The following PTPRD variants were observed in gnomAD, a reference collection of about 807,000 sequenced individuals.
The protein encoded by PTPRD is protein tyrosine phosphatase receptor type D.
Under a neutral mutation model 214.5 loss-of-function variants are expected in PTPRD, and 34 were observed. That is an observed-to-expected ratio of 0.16 (90% CI 0.12 to 0.21). The LOEUF (loss-of-function observed/expected upper bound fraction) is 0.21, where lower values mean the gene tolerates loss of function less well. Ranked by LOEUF, PTPRD falls within the 10% of genes least tolerant of loss-of-function variation. The pLI, the probability that PTPRD is intolerant of heterozygous loss-of-function variation, is 1.00. For synonymous variants in PTPRD, 1,128 were observed against 845.7 expected (o/e 1.33, Z -5.79); for missense variants, 2,545 against 2,398.7 (o/e 1.06, Z -1.27).
chr9:8,649,437 T>C (rs537576484), intron 12 of PTPRD, among the ~76,000 whole-genome samples: 2 of 152,352 alleles, frequency 1.3e-5, no homozygotes, highest in East Asian at 1.9e-4. Context: ...AACTGCACAC[T>C]GGTTAAGTTG....
At chr9:8,595,527 T>A (rs561394773) in intron 14 of PTPRD, among the ~76,000 whole-genome samples, 5 of 152,330 alleles carry the variant, frequency 3.3e-5, no homozygotes, top group African/African-American at 1.2e-4. Flanking sequence ...TATGTATGTA[T>A]AGTCACATAA....
At chr9:8,606,148 T>C (rs2095198310) in intron 14 of PTPRD, among the ~76,000 whole-genome samples, 1 of 151,938 alleles carries the variant, frequency 6.6e-6, no homozygotes, top group Non-Finnish European at 1.5e-5. Flanking sequence ...CTTTGTGGAA[T>C]GTAGTGATGA....
chr9:8,434,441 A>G (rs1173008264), intron 35 of PTPRD, among the ~76,000 whole-genome samples: 1 of 152,166 alleles, frequency 6.6e-6, no homozygotes, highest in Non-Finnish European at 1.5e-5. Flanking sequence ...GGTTTGCTAT[A>G]CTCCACGATG....
chr9:8,871,243 T>C (rs2154207774), intron 11 of PTPRD, among the ~76,000 whole-genome samples: 1 of 152,256 alleles, frequency 6.6e-6, no homozygotes, highest in South Asian at 2.1e-4. Context: ...AACTGGAACA[T>C]CCTTCCTATT....
In PTPRD at chr9:8,460,588, T is replaced by C. The variant is rs1313798997; in HGVS notation, c.3715-17A>G. The C allele has an allele frequency of 1.2e-5, 19 of 1,600,354 alleles. No homozygotes were observed. The highest frequency in any genetic ancestry group is 1.6e-5 in the Non-Finnish European group (19 of 1,175,732). On this transcript the variant is annotated splice_polypyrimidine_tract_variant and intron_variant, in intron 32 of 45. Transcript: ENST00000381196. ...ATACATCTTCTGAGGAAAAGCAGAG[T>C]CTATTTCAGTTATAAAATAATGACT... is the stretch of plus-strand genomic sequence containing the variant.
At chr9:8,562,891 A>C (rs1392826663) in intron 14 of PTPRD, among the ~76,000 whole-genome samples, 1 of 147,474 alleles carries the variant, frequency 6.8e-6, no homozygotes, top group African/African-American at 2.5e-5. Context: ...TATGATTTAC[A>C]TTTAGATCTG....
In PTPRD at chr9:8,636,839, G is replaced by A. The variant is rs2096450745; in HGVS notation, c.70C>T (p.Pro24Ser). ...TCAACGGGTGTTCGTGTAAACCTTGGAGGTGCTGAAATAAAAAATAAACAT... is the reference window on the plus strand; with the variant it reads ...TCAACGGGTGTTCGTGTAAACCTTGAAGGTGCTGAAATAAAAAATAAACAT... Reference protein sequence around the residue: ...FFLRTDAETPPRFTRTPVDQT... With the variant: ...FFLRTDAETPSRFTRTPVDQT... Residue 24 changes from proline (P) to serine (S), a missense_variant, in exon 13 of 46, where the codon CCA becomes TCA. Coordinates refer to ENST00000381196, the MANE Select transcript of PTPRD (RefSeq NM_002839.4). 1.2e-6 allele frequency: 2 copies of A among 1,612,288 alleles called. No homozygotes were observed. The highest frequency in any genetic ancestry group is 8.5e-7 in the Non-Finnish European group (1 of 1,178,694).
intron 11 of PTPRD, among the ~76,000 whole-genome samples, chr9:9,002,540 T>A (rs1261920634): frequency 6.6e-6 from 1 of 152,082 alleles, no homozygotes; most frequent in African/African-American, 2.4e-5. Flanking sequence ...GGTAGAGAAT[T>A]TATAGTTTAG....
At chr9:9,898,697 C>T (rs938698839) in intron 5 of PTPRD, among the ~76,000 whole-genome samples, 4 of 152,046 alleles carry the variant, frequency 2.6e-5, no homozygotes, top group Non-Finnish European at 2.9e-5. Context: ...AGATATTTGG[C>T]ATAGAAATGC....
intron 10 of PTPRD, among the ~76,000 whole-genome samples, chr9:9,093,122 C>T (rs1320800891): frequency 6.6e-6 from 1 of 152,008 alleles, no homozygotes; most frequent in Non-Finnish European, 1.5e-5. Context: ...GCTAATCAAC[C>T]TAGAACACAT....
chr9:9,305,235 C>T (rs894696161), intron 9 of PTPRD, among the ~76,000 whole-genome samples: 1 of 151,800 alleles, frequency 6.6e-6, no homozygotes, highest in Non-Finnish European at 1.5e-5. Flanking sequence ...GTTTCATTTT[C>T]TATTCTGTCA....
chr9:10,031,647 T>TATACACACACACACACACACACAC, intron 4 of PTPRD, among the ~76,000 whole-genome samples: 1 of 89,688 alleles, frequency 1.1e-5, no homozygotes, highest in Non-Finnish European at 1.9e-5. Flanking sequence ...TATATATATA[T>TATACACACACACACACACACACAC]ACACACACAC....
intron 3 of PTPRD, among the ~76,000 whole-genome samples, chr9:10,044,431 T>C (rs946845721): frequency 2.0e-5 from 3 of 151,758 alleles, no homozygotes; most frequent in Non-Finnish European, 4.4e-5. Context: ...AAAAATTGGA[T>C]CAGACTTAGT....
At chr9:9,502,383 T>C (rs2096447369) in intron 8 of PTPRD, among the ~76,000 whole-genome samples, 1 of 151,872 alleles carries the variant, frequency 6.6e-6, no homozygotes, top group Non-Finnish European at 1.5e-5. Flanking sequence ...TCTTTCTGTA[T>C]CTGGTTTATT....
intron 4 of PTPRD, among the ~76,000 whole-genome samples, chr9:10,025,852 T>C (rs921409314): frequency 1.3e-5 from 2 of 152,172 alleles, no homozygotes; most frequent in African/African-American, 4.8e-5. Flanking sequence ...TAAACACCTG[T>C]GCTACAGTTC....
At chr9:9,245,701 A>G (rs1457772897) in intron 9 of PTPRD, among the ~76,000 whole-genome samples, 1 of 152,146 alleles carries the variant, frequency 6.6e-6, no homozygotes, top group Non-Finnish European at 1.5e-5. Flanking sequence ...GCACACCAAC[A>G]TGGCACATGT....
chr9:8,486,746 A>G lies in PTPRD; in HGVS notation c.2468-397T>C, dbSNP rs7864192. ...ATTATTTATTCGTTGAATATGTGCA[A>G]TGTACCGGCGTCACGCTAAGTGCAT... On this transcript the variant is annotated intron_variant, in intron 27 of 45. Coordinates refer to ENST00000381196, the MANE Select transcript of PTPRD (RefSeq NM_002839.4). 7.2e-3 allele frequency among the ~76,000 whole-genome samples: 1,104 copies of G among 152,328 alleles called. 13 individuals carry two copies. Among genetic ancestry groups the G allele is most frequent in the African/African-American group, 0.025 (1,057 of 41,562 alleles).
intron 9 of PTPRD, among the ~76,000 whole-genome samples, chr9:9,288,504 T>C (rs939005016): frequency 1.3e-5 from 2 of 151,846 alleles, no homozygotes; most frequent in Non-Finnish European, 2.9e-5. Flanking sequence ...GTGGTATATC[T>C]GTGTGAGTCT....
chr9:8,363,952 C>G (rs1187706516), intron 39 of PTPRD, among the ~76,000 whole-genome samples: 1 of 152,202 alleles, frequency 6.6e-6, no homozygotes, highest in African/African-American at 2.4e-5. Flanking sequence ...CTCTCGGCAG[C>G]TGTACTTATG....
Sources: allele counts gnomAD v4.1 joint callset (sites outside exome capture counted in the v4.1 genomes callset), GRCh38; gene constraint gnomAD v4.1.1; transcripts MANE v1.5; gene names NCBI Gene and HGNC (gene_info 2026-07-23, HGNC 2026-07-21).